Variants in FRMPD4 observed in about 807,000 individuals in gnomAD.
FRMPD4 encodes FERM and PDZ domain-containing protein 4.
A neutral mutation model predicts 94.1 loss-of-function variants in FRMPD4; 22 were observed. The ratio of observed to expected loss-of-function variants is 0.23; its 90% CI spans 0.17 to 0.33. The LOEUF (loss-of-function observed/expected upper bound fraction) is 0.33. Ranked by LOEUF, FRMPD4 falls within the 10% of genes least tolerant of loss-of-function variation. The probability of loss-of-function intolerance (pLI) is 1.00; values close to 1 mark genes in which losing one functional copy is unlikely to be tolerated. For synonymous variants in FRMPD4, 631 were observed against 548.6 expected (o/e 1.15, Z -2.10); for missense variants, 1,111 against 1,339.9 (o/e 0.83, Z 2.67).
intron 3 of FRMPD4, among the ~76,000 whole-genome samples, chrX:11,890,455 C>G (rs934060520): frequency 1.8e-5 from 2 of 112,224 alleles, no homozygotes; most frequent in African/African-American, 6.5e-5. Flanking sequence ...GACCTACCAC[C>G]TACAAAAGAA....
intron 3 of FRMPD4, among the ~76,000 whole-genome samples, chrX:11,905,323 C>A (rs1213228123): frequency 1.8e-5 from 2 of 111,625 alleles, no homozygotes; most frequent in African/African-American, 6.5e-5. Context: ...AGTTACAAAC[C>A]TAAGACAAAA....
intron 1 of FRMPD4, among the ~76,000 whole-genome samples, chrX:11,833,744 T>C (rs2053487276): frequency 8.9e-6 from 1 of 112,021 alleles, no homozygotes; most frequent in Admixed American, 9.5e-5. Flanking sequence ...TTTCCTTCCC[T>C]GCATTTTGCA....
In FRMPD4 at chrX:12,614,814, C is replaced by A; in HGVS notation, c.355C>A (p.Gln119Lys). 8.4e-7 allele frequency: 1 copy of A among 1,191,812 alleles called. No individual in the cohort carries two copies. Among genetic ancestry groups the A allele is most frequent in the Non-Finnish European group, 1.1e-6 (1 of 878,280 alleles). The change falls in exon 4 of 17, where the codon CAG (glutamine) becomes AAG (lysine). Residue 119 changes from glutamine (Q) to lysine (K), a missense_variant. Gln to Lys is a moderately conservative substitution (Grantham distance 53). Transcript: ENST00000675598. ...TGAAGGCAAGCTGATCCCGGGAGAT[C>A]AGATTGTAATGATTAATGATGAACC... is the stretch of plus-strand genomic sequence containing the variant. The part of the protein sequence containing the change: ...PSEGKLIPGD[Q>K]IVMINDEPVS...
chrX:12,276,639 C>T (rs1342548375), intron 1 of FRMPD4, among the ~76,000 whole-genome samples: 2 of 111,051 alleles, frequency 1.8e-5, no homozygotes, highest in Non-Finnish European at 3.8e-5. Context: ...TCTGCTCTAT[C>T]AGTAACTCCA....
intron 2 of FRMPD4, among the ~76,000 whole-genome samples, chrX:12,554,471 AG>A (rs2058573657): frequency 8.9e-6 from 1 of 112,442 alleles, no homozygotes; most frequent in South Asian, 3.7e-4. Context: ...CAATTCAATA[AG>A]TCACAACCAG....
intron 2 of FRMPD4, among the ~76,000 whole-genome samples, chrX:12,558,511 T>A: frequency 8.9e-6 from 1 of 112,927 alleles, no homozygotes; most frequent in Non-Finnish European, 1.9e-5. Context: ...GCTTTTTAAT[T>A]CAAGACATAT....
chrX:11,992,480 AGAT>A (rs2054470329), intron 3 of FRMPD4, among the ~76,000 whole-genome samples: 1 of 111,594 alleles, frequency 9.0e-6, no homozygotes, highest in Admixed American at 9.6e-5. Flanking sequence ...CCCCAGGGTG[AGAT>A]GCCTGCATTC....
intron 1 of FRMPD4, among the ~76,000 whole-genome samples, chrX:12,248,417 G>C (rs2053985173): frequency 8.9e-6 from 1 of 112,163 alleles, no homozygotes; most frequent in African/African-American, 3.2e-5. Flanking sequence ...TTTCACAAGA[G>C]ATAATTCTGG....
At chrX:12,550,780 G>A (rs1453203756) in intron 2 of FRMPD4, among the ~76,000 whole-genome samples, 1 of 109,487 alleles carries the variant, frequency 9.1e-6, no homozygotes, top group Non-Finnish European at 1.9e-5. Flanking sequence ...TCTGATACAC[G>A]TACTCATATA....
At chrX:12,450,922 C>T (rs1363456091) in intron 1 of FRMPD4, among the ~76,000 whole-genome samples, 1 of 95,306 alleles carries the variant, frequency 1.0e-5, no homozygotes, top group Non-Finnish European at 2.1e-5. Context: ...AACTAGAGTA[C>T]ATTAAGCCAG....
chrX:12,062,719 T>C (rs1010505853), intron 3 of FRMPD4, among the ~76,000 whole-genome samples: 2 of 111,779 alleles, frequency 1.8e-5, no homozygotes, highest in South Asian at 7.5e-4. Context: ...TATTTTTTTC[T>C]AATTATATTT....
intron 3 of FRMPD4, among the ~76,000 whole-genome samples, chrX:12,005,843 A>T (rs1257051397): frequency 9.1e-6 from 1 of 109,898 alleles, no homozygotes; most frequent in Non-Finnish European, 1.9e-5. Context: ...ACCCAACTCC[A>T]TGCATGTGTG....
intron 1 of FRMPD4, among the ~76,000 whole-genome samples, chrX:12,412,236 C>G (rs2056742871): frequency 8.9e-6 from 1 of 112,222 alleles, no homozygotes; most frequent in African/African-American, 3.2e-5. Context: ...GCAGATCTGT[C>G]TTCTAAACCT....
At position 12,720,705 on chromosome X, in the gene FRMPD4, C is replaced by G; in HGVS notation, c.4136C>G (p.Ala1379Gly). ...CAAGCAAATCAGGCATACGGAGAGGCTGTGAGCTGGCGGCCACCGGATCTG... is the reference window on the plus strand; with the variant it reads ...CAAGCAAATCAGGCATACGGAGAGGGTGTGAGCTGGCGGCCACCGGATCTG... ...FSQANQAYGE[A>G]VSWRPPDLRG... Residue 1379 changes from alanine to glycine, a missense_variant, in exon 17 of 17, where the codon GCT becomes GGT. This residue lies in a region of FRMPD4 where 551 missense variants were observed against 591.6 expected (regional missense o/e 0.93). Transcript: ENST00000675598. 4 of 1,073,166 alleles carry G rather than the reference C, an allele frequency of 3.7e-6. No homozygotes were observed. The highest frequency in any genetic ancestry group is 3.6e-6 in the Non-Finnish European group (3 of 831,006). The allele number at this position is 1,073,166 out of a possible 1,213,427, so 88.4% of individuals were successfully genotyped here.
intron 1 of FRMPD4, among the ~76,000 whole-genome samples, chrX:12,327,975 C>T (rs1350999164): frequency 9.0e-6 from 1 of 111,441 alleles, no homozygotes; most frequent in Admixed American, 9.6e-5. Flanking sequence ...CTTCTCTTCC[C>T]CTTGAATCTG....
chrX:12,110,033 CAATAG>C (rs2055342125), intron 3 of FRMPD4, among the ~76,000 whole-genome samples: 1 of 110,689 alleles, frequency 9.0e-6, no homozygotes, highest in Admixed American at 9.5e-5. Context: ...CTATTCCAAT[CAATAG>C]AAAAAGAGGG....
chrX:12,110,291 G>A (rs183392727), intron 3 of FRMPD4, among the ~76,000 whole-genome samples: 3 of 112,019 alleles, frequency 2.7e-5, no homozygotes, highest in African/African-American at 3.2e-5. Context: ...ACTTAATCCA[G>A]CATATAAACA....
chrX:11,899,302 G>A (rs1458950859), intron 3 of FRMPD4, among the ~76,000 whole-genome samples: 2 of 110,911 alleles, frequency 1.8e-5, no homozygotes, highest in African/African-American at 6.6e-5. Flanking sequence ...GAAGAAAATG[G>A]GTGAAAAGTT....
chrX:12,166,694 G>T (rs182915255), intron 1 of FRMPD4, among the ~76,000 whole-genome samples: 1 of 110,341 alleles, frequency 9.1e-6, no homozygotes, highest in Non-Finnish European at 1.9e-5. Flanking sequence ...ACTTTTTTTG[G>T]TTGGTAGGCT....
Sources: allele counts gnomAD v4.1 joint callset (sites outside exome capture counted in the v4.1 genomes callset), GRCh38; gene constraint gnomAD v4.1.1; regional missense constraint gnomAD v4.1.1; transcripts MANE v1.5; gene names NCBI Gene and HGNC (gene_info 2026-07-23, HGNC 2026-07-21).